AKAP19: variants seen among roughly 807,000 people sequenced by gnomAD.
The protein encoded by AKAP19 is small A-kinase anchoring protein.
chr2:190,097,662 A>G, the AKAP19 span, among the ~76,000 whole-genome samples: 3 of 152,060 alleles, frequency 2.0e-5, no homozygotes, highest in East Asian at 1.9e-4. Context: ...TATTTCAACA[A>G]TGTTCACAGC....
chr2:190,060,177 A>G, the AKAP19 span: 1 of 1,613,052 alleles, frequency 6.2e-7, no homozygotes, highest in South Asian at 1.1e-5. Flanking sequence ...ATTTTGCAAC[A>G]CTGTCTTCAC....
At chr2:190,020,018 C>G in the AKAP19 span, among the ~76,000 whole-genome samples, 2 of 152,134 alleles carry the variant, frequency 1.3e-5, no homozygotes, top group Non-Finnish European at 2.9e-5. Flanking sequence ...CGCCACTCCC[C>G]GAACACATAT....
chr2:189,901,611 T>G, the AKAP19 span, among the ~76,000 whole-genome samples: 8 of 152,202 alleles, frequency 5.3e-5, no homozygotes, highest in African/African-American at 1.9e-4. Context: ...GTGCTGGGAT[T>G]ACATGTGTGA....
At chr2:190,017,808 A>AT in the AKAP19 span, among the ~76,000 whole-genome samples, 1 of 151,988 alleles carries the variant, frequency 6.6e-6, no homozygotes, top group Non-Finnish European at 1.5e-5. Context: ...AGCTTAAAGA[A>AT]TTTTTTTTAG....
At chr2:190,146,192 C>A in the AKAP19 span, among the ~76,000 whole-genome samples, 2 of 152,084 alleles carry the variant, frequency 1.3e-5, no homozygotes, top group South Asian at 4.1e-4. Context: ...TCCATTGTAT[C>A]ATTCTTATGC....
chr2:189,927,928 T>A, the AKAP19 span, among the ~76,000 whole-genome samples: 4 of 152,174 alleles, frequency 2.6e-5, no homozygotes, highest in Non-Finnish European at 5.9e-5. Context: ...AAAGTTGTAT[T>A]TGTAATGCTC....
chr2:190,078,459 A>C, the AKAP19 span, among the ~76,000 whole-genome samples: 5 of 152,224 alleles, frequency 3.3e-5, no homozygotes, highest in Non-Finnish European at 7.3e-5. Context: ...TATGATAAGA[A>C]AAAAATGGCT....
At chr2:189,954,969 TA>T in the AKAP19 span, among the ~76,000 whole-genome samples, 1 of 152,320 alleles carries the variant, frequency 6.6e-6, no homozygotes, top group Admixed American at 6.5e-5. Flanking sequence ...TTTATGGACT[TA>T]GGGGTACAAG....
chr2:190,097,252 G>A, the AKAP19 span, among the ~76,000 whole-genome samples: 5 of 151,836 alleles, frequency 3.3e-5, no homozygotes, highest in African/African-American at 1.2e-4. Context: ...AGGCCCCAAT[G>A]TGTGTTGTTT....
At chr2:189,913,956 T>C in the AKAP19 span, among the ~76,000 whole-genome samples, 1 of 152,076 alleles carries the variant, frequency 6.6e-6, no homozygotes, top group Non-Finnish European at 1.5e-5. Context: ...TAGACTATGC[T>C]TTAGAATATT....
chr2:190,076,365 G>A, the AKAP19 span, among the ~76,000 whole-genome samples: 1 of 152,028 alleles, frequency 6.6e-6, no homozygotes, highest in Non-Finnish European at 1.5e-5. Flanking sequence ...AAGTTTTCTG[G>A]GGGGCAAGCT....
At chr2:189,930,726 C>T in the AKAP19 span, 1 of 616,648 alleles carries the variant, frequency 1.6e-6, no homozygotes, top group East Asian at 2.9e-5. Context: ...CAAAGTCCAT[C>T]ATACAGATCA....
the AKAP19 span, among the ~76,000 whole-genome samples, chr2:189,993,580 CA>C: frequency 1.3e-5 from 2 of 152,058 alleles, no homozygotes; most frequent in African/African-American, 4.8e-5. Flanking sequence ...AGATTGGTAC[CA>C]ATTCTTCTTT....
At chr2:190,032,434 AGTG>A in the AKAP19 span, among the ~76,000 whole-genome samples, 4 of 152,174 alleles carry the variant, frequency 2.6e-5, no homozygotes, top group Non-Finnish European at 4.4e-5. Flanking sequence ...TGTAAACTGA[AGTG>A]GTGAACTCAG....
At chr2:190,125,725 G>C in the AKAP19 span, among the ~76,000 whole-genome samples, 2 of 152,050 alleles carry the variant, frequency 1.3e-5, no homozygotes, top group Admixed American at 6.5e-5. Flanking sequence ...AAAGTTAATG[G>C]AGCAAAATGC....
the AKAP19 span, among the ~76,000 whole-genome samples, chr2:190,171,768 A>C: frequency 8.5e-5 from 13 of 152,260 alleles, no homozygotes; most frequent in African/African-American, 3.1e-4. Context: ...AAATAGACTA[A>C]GTTTATGGGG....
At chr2:190,100,563 G>T in the AKAP19 span, among the ~76,000 whole-genome samples, 1 of 152,256 alleles carries the variant, frequency 6.6e-6, no homozygotes, top group East Asian at 1.9e-4. Context: ...GCAGATGAAA[G>T]AAATGGAAGC....
chr2:189,898,200 G>GAAA, the AKAP19 span, among the ~76,000 whole-genome samples: 1 of 133,980 alleles, frequency 7.5e-6, no homozygotes, highest in African/African-American at 2.7e-5. Flanking sequence ...TCCAAAAAAT[G>GAAA]AAAAAAAAAA....
chr2:190,011,813 A>G, the AKAP19 span, among the ~76,000 whole-genome samples: 2 of 152,128 alleles, frequency 1.3e-5, no homozygotes, highest in African/African-American at 4.8e-5. Flanking sequence ...TGCCAGTACC[A>G]TGCTGTTTTG....
Sources: gnomAD v4.1 joint callset for allele counts (sites outside exome capture counted in the v4.1 genomes callset) on GRCh38, gnomAD v4.1.1 for gene constraint, MANE v1.5 for transcripts, NCBI Gene and HGNC (gene_info 2026-07-23, HGNC 2026-07-21) for gene names.